Variants in LAMP3 observed in about 807,000 individuals in gnomAD.
The protein encoded by LAMP3 is lysosome-associated membrane glycoprotein 3.
LAMP3 carries 26 observed loss-of-function variants against 34.8 expected under a neutral mutation model. That is an observed-to-expected ratio of 0.75 (90% CI 0.55 to 1.04). The LOEUF is 1.04. LAMP3 is among the 50% of genes least tolerant of loss of function. The probability of loss-of-function intolerance (pLI) is 0.00; values close to 1 mark genes in which losing one functional copy is unlikely to be tolerated. For missense variants in LAMP3, 495 were observed against 524.0 expected, an observed-to-expected ratio of 0.94 and a Z score of 0.54; for synonymous variants, 180 against 201.9, an observed-to-expected ratio of 0.89 and a Z score of 0.92.
chr3:183,151,850 G>T (rs1322449397), intron 3 of LAMP3, among the ~76,000 whole-genome samples: 1 of 152,150 alleles, frequency 6.6e-6, no homozygotes. Context: ...AGCCAAATCC[G>T]CAGTGAGACT....
At chr3:183,158,239 C>A (rs1318642278) in intron 1 of LAMP3, 4 of 152,086 alleles carry the variant, frequency 2.6e-5, no homozygotes, top group African/African-American at 9.7e-5. Context: ...TGTATATGAC[C>A]ACACACATGG....
intron 1 of LAMP3, 146 bp downstream of exon 1, chr3:183,162,461 A>G (rs947267936): frequency 3.6e-5 from 29 of 795,710 alleles, no homozygotes; most frequent in Admixed American, 1.6e-4. Flanking sequence ...AACTCACGGA[A>G]AACAAGTTCC....
rs1295082141 is a variant in LAMP3, at chr3:183,153,896, C to T, written c.545G>A (p.Gly182Asp). The change falls in exon 2 of 6, where the codon GGT (glycine) becomes GAT (aspartate). Residue 182 changes from glycine to aspartate, a missense_variant. By Grantham distance (94) the Gly-to-Asp change is moderately conservative. Coordinates refer to ENST00000265598, the MANE Select transcript of LAMP3 (RefSeq NM_014398.4). ...LSIALHKSTT[G>D]QKPVQPTHAP... is the part of the protein sequence containing the mutation. ...ATGGGTGGGTTGAACAGGCTTCTGA[C>T]CGGTTGTGCTTTTGTGCAGTGCTAT... The T allele has an allele frequency of 1.2e-6, 2 of 1,613,934 alleles. No individual in the cohort carries two copies. The highest frequency in any genetic ancestry group is 1.7e-6 in the Non-Finnish European group (2 of 1,179,988).
intron 4 of LAMP3, among the ~76,000 whole-genome samples, chr3:183,139,773 T>C (rs1368584454): frequency 6.6e-6 from 1 of 152,170 alleles, no homozygotes; most frequent in Non-Finnish European, 1.5e-5. Context: ...ATTTAATGTG[T>C]TGTTGTCCTC....
rs760336518 is a variant in LAMP3, at chr3:183,154,005, C to T, written c.436G>A (p.Gly146Arg). Residue 146 changes from glycine to arginine, a missense_variant, in exon 2 of 6, where the codon GGA becomes AGA. Coordinates refer to ENST00000265598, the MANE Select transcript of LAMP3 (RefSeq NM_014398.4). Reference protein sequence around the residue: ...PTITPPAHTTGTSSSTVSHTT... With the variant: ...PTITPPAHTTRTSSSTVSHTT... Reference sequence around the variant, plus strand: ...TGGCTGACGGTTGATGAACTGGTTCCAGTTGTATGAGCTGGTGGGGTGATG... The same window carrying T: ...TGGCTGACGGTTGATGAACTGGTTCTAGTTGTATGAGCTGGTGGGGTGATG... 1 of 1,614,034 alleles carries T rather than the reference C, an allele frequency of 6.2e-7. No homozygotes were observed. Among genetic ancestry groups the T allele is most frequent in the Non-Finnish European group, 8.5e-7 (1 of 1,180,006 alleles).
intron 5 of LAMP3, among the ~76,000 whole-genome samples, chr3:183,126,559 T>TGC (rs1294519858): frequency 1.3e-4 from 19 of 149,812 alleles, no homozygotes; most frequent in African/African-American, 3.7e-4. Flanking sequence ...TGTGTGTGTG[T>TGC]GTGTGCACAC....
chr3:183,160,120 A>C (rs1720934575), intron 1 of LAMP3, among the ~76,000 whole-genome samples: 1 of 152,204 alleles, frequency 6.6e-6, no homozygotes, highest in Admixed American at 6.5e-5. Flanking sequence ...TGTTTAATCT[A>C]CTGTTATTTT....
intron 3 of LAMP3, among the ~76,000 whole-genome samples, chr3:183,145,723 G>T (rs544853204): frequency 5.5e-4 from 84 of 152,222 alleles, no homozygotes; most frequent in African/African-American, 1.9e-3. Context: ...AGGGTGTGGT[G>T]GTGCACACCT....
At chr3:183,152,120 C>T (rs1034187050) in intron 3 of LAMP3, among the ~76,000 whole-genome samples, 5 of 152,308 alleles carry the variant, frequency 3.3e-5, no homozygotes, top group East Asian at 1.9e-4. Context: ...GCAAAGGGCA[C>T]GGGTGGTTAC....
intron 5 of LAMP3, among the ~76,000 whole-genome samples, chr3:183,129,604 C>T (rs1257915129): frequency 6.6e-6 from 1 of 152,118 alleles, no homozygotes; most frequent in Non-Finnish European, 1.5e-5. Context: ...TGACACTCAT[C>T]TTGTTTTCTT....
At chr3:183,124,791 C>T (rs1436315419) in intron 5 of LAMP3, among the ~76,000 whole-genome samples, 6 of 152,214 alleles carry the variant, frequency 3.9e-5, no homozygotes, top group Non-Finnish European at 8.8e-5. Context: ...GAGATCACAC[C>T]ATTGCACTCC....
At position 183,154,068 on chromosome 3, in the gene LAMP3, CTG is replaced by C. The variant is rs1720748511; in HGVS notation, c.371_372del (p.Thr124SerfsTer4). ...SHTAPPVTEV[T>X]VGPSLAPYSL... is the part of the protein sequence containing the mutation. ...GAATAAGGGGCTAAGCTAGGGCCGA[CTG>C]TAACTTCAGTAACTGGAGGAGCTGT... is the stretch of plus-strand genomic sequence containing the variant. On this transcript the variant is annotated frameshift_variant, in exon 2 of 6. Coordinates refer to ENST00000265598, the MANE Select transcript of LAMP3 (RefSeq NM_014398.4). LOFTEE classifies it high-confidence loss of function. The C allele has an allele frequency of 2.5e-6, 4 of 1,614,014 alleles. No individual in the cohort carries two copies. The highest frequency in any genetic ancestry group is 1.3e-5 in the African/African-American group (1 of 74,902).
chr3:183,133,175 A>C (rs1251795549), intron 5 of LAMP3, among the ~76,000 whole-genome samples: 2 of 152,216 alleles, frequency 1.3e-5, no homozygotes, highest in East Asian at 3.8e-4. Flanking sequence ...ATTAAATTGC[A>C]GATGCCCAGA....
chr3:183,156,802 C>A (rs2108614137), intron 1 of LAMP3, among the ~76,000 whole-genome samples: 1 of 152,262 alleles, frequency 6.6e-6, no homozygotes. Context: ...AAATTTCAGC[C>A]ATTTGACCAT....
At chr3:183,151,451 G>A (rs1386884344) in intron 3 of LAMP3, among the ~76,000 whole-genome samples, 3 of 138,180 alleles carry the variant, frequency 2.2e-5, no homozygotes, top group African/African-American at 8.2e-5. Flanking sequence ...TTTTGAGATG[G>A]AGTTTTGTTC....
intron 5 of LAMP3, among the ~76,000 whole-genome samples, chr3:183,127,343 C>T (rs1719804876): frequency 6.6e-6 from 1 of 152,172 alleles, no homozygotes; most frequent in African/African-American, 2.4e-5. Flanking sequence ...CTATGTTGCT[C>T]AGGCTGGTCT....
chr3:183,130,830 A>G (rs1719898192), intron 5 of LAMP3, among the ~76,000 whole-genome samples: 2 of 152,154 alleles, frequency 1.3e-5, no homozygotes, highest in African/African-American at 4.8e-5. Context: ...AAGAAAATAA[A>G]GCAACCCACT....
At chr3:183,135,630 CT>C in intron 5 of LAMP3, 86 bp downstream of exon 5, 3 of 1,265,140 alleles carry the variant, frequency 2.4e-6, no homozygotes, top group Non-Finnish European at 2.3e-6. Flanking sequence ...ATGCTTGCTC[CT>C]TCGACAGCTG....
At chr3:183,147,019 GGATCACGAGGTCAGGA>G (rs1720464150) in intron 3 of LAMP3, among the ~76,000 whole-genome samples, 1 of 151,888 alleles carries the variant, frequency 6.6e-6, no homozygotes, top group African/African-American at 2.4e-5. Flanking sequence ...CGAGGCAGGT[GGATCACGAGGTCAGGA>G]GATCGAGACC....
Sources: allele counts gnomAD v4.1 joint callset (sites outside exome capture counted in the v4.1 genomes callset), GRCh38; gene constraint gnomAD v4.1.1; transcripts MANE v1.5; gene names NCBI Gene and HGNC (gene_info 2026-07-23, HGNC 2026-07-21).